SPOP: variants seen among roughly 807,000 people sequenced by gnomAD.
SPOP encodes the protein speckle-type POZ protein.
Under a neutral mutation model 45.6 loss-of-function variants are expected in SPOP, and 11 were observed. That is an observed-to-expected ratio of 0.24 (90% CI 0.15 to 0.40). SPOP has a LOEUF of 0.40. Among genes scored for constraint, SPOP ranks in the 10% least tolerant of loss-of-function variants. The pLI is 1.00. For missense variants in SPOP, 152 were observed against 465.6 expected, an observed-to-expected ratio of 0.33 and a Z score of 6.20; for synonymous variants, 166 against 166.3, an observed-to-expected ratio of 1.00 and a Z score of 0.01.
intron 1 of SPOP, among the ~76,000 whole-genome samples, chr17:49,631,361 A>G (rs192839988): frequency 3.0e-4 from 45 of 152,336 alleles, no homozygotes; most frequent in Non-Finnish European, 5.3e-4. Flanking sequence ...CCCAAAAGAC[A>G]CAAGGCTCTA....
intron 1 of SPOP, among the ~76,000 whole-genome samples, chr17:49,665,229 A>T (rs191126814): frequency 2.6e-5 from 4 of 152,300 alleles, no homozygotes; most frequent in African/African-American, 9.6e-5. Flanking sequence ...ATCAGTTACT[A>T]GATAAGGAAG....
intron 1 of SPOP, among the ~76,000 whole-genome samples, chr17:49,655,360 A>C (rs2072893803): frequency 6.6e-6 from 1 of 151,980 alleles, no homozygotes; most frequent in Non-Finnish European, 1.5e-5. Flanking sequence ...AAATACAAAA[A>C]ATTAGCCTGG....
rs1052793709 is a variant in SPOP, at chr17:49,656,035, C to T, written c.-67+21898G>A. 3.3e-5 allele frequency among the ~76,000 whole-genome samples: 5 copies of T among 152,262 alleles called. No homozygotes were observed. In the South Asian group the frequency reaches 6.2e-4, roughly 19 times the overall value. ...CCATGTTGGTCAGGCTGGTCTCGAA[C>T]TCCTGACCTTAGGTGATCCACCTGC... On this transcript the variant is annotated intron_variant, in intron 1 of 9. Transcript: ENST00000504102.
intron 5 of SPOP, chr17:49,612,889 C>A (rs184181919): frequency 2.0e-5 from 3 of 152,168 alleles, no homozygotes; most frequent in Admixed American, 6.6e-5. Context: ...TGCAAGTCAT[C>A]CCTTAAACGC....
At chr17:49,650,041 G>A (rs1489908495) in intron 1 of SPOP, among the ~76,000 whole-genome samples, 2 of 150,992 alleles carry the variant, frequency 1.3e-5, no homozygotes, top group East Asian at 4.2e-4. Context: ...ACAGGCATGC[G>A]CCACCATGCC....
intron 3 of SPOP, among the ~76,000 whole-genome samples, chr17:49,620,375 G>A (rs2072196489): frequency 6.6e-6 from 1 of 151,376 alleles, no homozygotes; most frequent in Admixed American, 6.6e-5. Flanking sequence ...GGCTGAGGCA[G>A]GAGAATCACT....
chr17:49,653,409 CAT>C (rs201627354), intron 1 of SPOP, among the ~76,000 whole-genome samples: 1,722 of 151,306 alleles, frequency 0.011, 16 homozygotes, highest in Non-Finnish European at 0.017. Flanking sequence ...CATCTACCAG[CAT>C]ATATATATAT....
At chr17:49,667,790 T>C (rs564813395) in intron 1 of SPOP, among the ~76,000 whole-genome samples, 1 of 152,174 alleles carries the variant, frequency 6.6e-6, no homozygotes, top group Non-Finnish European at 1.5e-5. Context: ...AAAAGATGTT[T>C]GTACACTCAT....
chr17:49,626,877 A>C (rs1456825623), intron 1 of SPOP, among the ~76,000 whole-genome samples: 2 of 151,852 alleles, frequency 1.3e-5, no homozygotes, highest in Non-Finnish European at 2.9e-5. Flanking sequence ...TTTGAGACGG[A>C]ATCTTTCTCT....
intron 1 of SPOP, among the ~76,000 whole-genome samples, chr17:49,654,547 G>A (rs974654641): frequency 9.2e-5 from 14 of 152,080 alleles, no homozygotes; most frequent in African/African-American, 3.4e-4. Flanking sequence ...CACTTTGTGA[G>A]GCCGAGGCCA....
At chr17:49,622,518 C>T (rs2072240220) in intron 2 of SPOP, 2 of 578,374 alleles carry the variant, frequency 3.5e-6, no homozygotes, top group Non-Finnish European at 6.1e-6. Flanking sequence ...AAAGATTCCC[C>T]CTTTCAACCT....
intron 1 of SPOP, among the ~76,000 whole-genome samples, chr17:49,642,394 C>T (rs1479012733): frequency 6.6e-6 from 1 of 151,768 alleles, no homozygotes; most frequent in Non-Finnish European, 1.5e-5. Flanking sequence ...CCAAAAAATA[C>T]AAAAATTAGC....
chr17:49,647,447 C>T (rs543849452), intron 1 of SPOP, among the ~76,000 whole-genome samples: 1 of 150,830 alleles, frequency 6.6e-6, no homozygotes, highest in Admixed American at 6.6e-5. Flanking sequence ...GGGAACGAAT[C>T]CTATGTTGTA....
At chr17:49,643,364 A>G (rs1289662908) in intron 1 of SPOP, among the ~76,000 whole-genome samples, 3 of 152,220 alleles carry the variant, frequency 2.0e-5, no homozygotes, top group Admixed American at 2.0e-4. Flanking sequence ...TGAATAAGGC[A>G]CAGTGGATTA....
At chr17:49,648,833 C>T (rs1051754692) in intron 1 of SPOP, among the ~76,000 whole-genome samples, 6 of 152,208 alleles carry the variant, frequency 3.9e-5, no homozygotes, top group Non-Finnish European at 8.8e-5. Flanking sequence ...TCTCGACTCA[C>T]TGCAAGCTCC....
chr17:49,633,014 G>A (rs2072480629), intron 1 of SPOP, among the ~76,000 whole-genome samples: 1 of 152,120 alleles, frequency 6.6e-6, no homozygotes, highest in Non-Finnish European at 1.5e-5. Context: ...ACACATTTCT[G>A]GCATAGCCAA....
Position 49,599,133 on chromosome 17 carries a change from C to T in SPOP, c.*1245G>A, listed in dbSNP as rs535935117. 3.3e-5 allele frequency: 7 copies of T among 210,778 alleles called. No homozygotes were observed. The highest frequency in any genetic ancestry group is 2.9e-4 in the Admixed American group (5 of 17,016). 13.1% of individuals were successfully genotyped at this position (210,778 alleles called of 1,614,324 possible). A position where few individuals can be genotyped will look rare whatever the true frequency, so the allele number is the denominator to read the frequency against. Reference sequence around the variant, plus strand: ...AGCTCACAAAGAGAACTTGAGATTACGGAGTCTCAACAAATCCCTGCGACT... The same window carrying T: ...AGCTCACAAAGAGAACTTGAGATTATGGAGTCTCAACAAATCCCTGCGACT... On this transcript the variant is annotated 3_prime_UTR_variant, in exon 10 of 10. Transcript: ENST00000504102.
At chr17:49,618,364 G>A in intron 5 of SPOP, 1 of 338,782 alleles carries the variant, frequency 3.0e-6, no homozygotes, top group South Asian at 2.4e-5. Context: ...TTTATTTCAA[G>A]GCTTCTCCTG....
intron 1 of SPOP, among the ~76,000 whole-genome samples, chr17:49,659,265 C>A (rs1302224482): frequency 6.6e-6 from 1 of 152,130 alleles, no homozygotes; most frequent in Non-Finnish European, 1.5e-5. Context: ...ACGTTTTGAA[C>A]CTCATCTACT....
Sources: gnomAD v4.1 joint callset for allele counts (sites outside exome capture counted in the v4.1 genomes callset) on GRCh38, gnomAD v4.1.1 for gene constraint, MANE v1.5 for transcripts, NCBI Gene and HGNC (gene_info 2026-07-23, HGNC 2026-07-21) for gene names.